Variants in IFNA21 observed in about 807,000 individuals in gnomAD.
IFNA21 encodes the protein interferon alpha 21, also known as interferon alpha-21.
For missense variants in IFNA21, 272 were observed against 212.7 expected, an observed-to-expected ratio of 1.28 and a Z score of -1.73; for synonymous variants, 101 against 82.9, an observed-to-expected ratio of 1.22 and a Z score of -1.19.
rs1327330635 is a variant in IFNA21 at position 21,166,452 on chromosome 9, T to A, written c.161A>T (p.Lys54Met). Residue 54 changes from lysine to methionine, a missense_variant, in exon 1 of 1, where the codon AAG becomes ATG. Coordinates refer to ENST00000380225, the MANE Select transcript of IFNA21 (RefSeq NM_002175.2). Reference sequence around the variant, plus strand: ...GGGGAATCCAAAGTCATGTCTGTCCTTCAGGCAGGAGAAAGGAGAGATTCT... The same window carrying A: ...GGGGAATCCAAAGTCATGTCTGTCCATCAGGCAGGAGAAAGGAGAGATTCT... ...MGRISPFSCL[K>M]DRHDFGFPQE... is the part of the protein sequence containing the mutation. 1.9e-6 allele frequency: 3 copies of A among 1,614,172 alleles called. No individual in the cohort carries two copies. The highest frequency in any genetic ancestry group is 2.2e-5 in the East Asian group (1 of 44,878).
Position 21,166,432 on chromosome 9 carries a change from A to T in IFNA21, c.181T>A (p.Phe61Ile), listed in dbSNP as rs777113283. The T allele has an allele frequency of 1.5e-5, 24 of 1,614,048 alleles. No individual in the cohort carries two copies. Among genetic ancestry groups the T allele is most frequent in the Non-Finnish European group, 1.8e-5 (21 of 1,179,942 alleles). Residue 61 changes from phenylalanine (F) to isoleucine (I), a missense_variant, in exon 1 of 1, where the codon TTC becomes ATC. Physicochemically the swap from Phe to Ile is conservative, Grantham distance 21. Coordinates refer to ENST00000380225, the MANE Select transcript of IFNA21 (RefSeq NM_002175.2). ...SCLKDRHDFGFPQEEFDGNQF... is the reference protein window; with the variant it reads ...SCLKDRHDFGIPQEEFDGNQF... ...TTGCCATCAAACTCCTCCTGGGGGA[A>T]TCCAAAGTCATGTCTGTCCTTCAGG... is the stretch of plus-strand genomic sequence containing the variant.
Position 21,166,624 on chromosome 9 carries a change from C to A in IFNA21, c.-12G>T, listed in dbSNP as rs373969604. ...AAGGACAGGGCCATTGGGATGTTGC[C>A]AATATTGCTAGGCTACTTGAGATGG... On this transcript the variant is annotated 5_prime_UTR_variant, in exon 1 of 1. Transcript: ENST00000380225. 1.1e-4 allele frequency: 181 copies of A among 1,608,282 alleles called. No homozygotes were observed. The highest frequency in any genetic ancestry group is 2.2e-4 in the Admixed American group (13 of 59,352).
chr9:21,166,246 C>G lies in IFNA21; in HGVS notation c.367G>C (p.Val123Leu), dbSNP rs573305591. Residue 123 changes from valine (V) to leucine (L), a missense_variant, in exon 1 of 1, where the codon GTG becomes CTG. Physicochemically the swap from Val to Leu is conservative, Grantham distance 32. Coordinates refer to ENST00000380225, the MANE Select transcript of IFNA21 (RefSeq NM_002175.2). ...TCTTCCACCCCAACCTCCTGTATCA[C>G]GCAGGCTTCCAGGTCATTCAGCTGC... ...NQQLNDLEAC[V>L]IQEVGVEETP... 2 of 1,614,122 alleles carry G rather than the reference C, an allele frequency of 1.2e-6. No homozygotes were observed. Among genetic ancestry groups the G allele is most frequent in the East Asian group, 2.2e-5 (1 of 44,880 alleles).
In IFNA21 at chr9:21,166,482, A is replaced by G; in HGVS notation, c.131T>C (p.Met44Thr). Residue 44 changes from methionine to threonine, a missense_variant, in exon 1 of 1, where the codon ATG (methionine) becomes ACG (threonine). Physicochemically the swap from Met to Thr is moderately conservative, Grantham distance 81. Coordinates refer to ENST00000380225, the MANE Select transcript of IFNA21 (RefSeq NM_002175.2). ...GCAGGAGAAAGGAGAGATTCTTCCC[A>G]TTTGTGCCAGGAGTATCAAGGCCCT... ...NRRALILLAQMGRISPFSCLK... is the reference protein window; with the variant it reads ...NRRALILLAQTGRISPFSCLK... The G allele has an allele frequency of 6.2e-7, 1 of 1,614,100 alleles. No individual in the cohort carries two copies. Among genetic ancestry groups the G allele is most frequent in the African/African-American group, 1.3e-5 (1 of 75,018 alleles).
In IFNA21 at chr9:21,166,317, G is replaced by C; in HGVS notation, c.296C>G (p.Thr99Ser). 2.5e-6 allele frequency: 4 copies of C among 1,614,120 alleles called. No individual in the cohort carries two copies. Among genetic ancestry groups the C allele is most frequent in the Non-Finnish European group, 3.4e-6 (4 of 1,180,000 alleles). Residue 99 changes from threonine to serine, a missense_variant, in exon 1 of 1, where the codon ACT (threonine) becomes AGT (serine). Coordinates refer to ENST00000380225, the MANE Select transcript of IFNA21 (RefSeq NM_002175.2). ...NLFSTKDSSA[T>S]WEQSLLEKFS... ...TTTTTCTAGGAGGCTCTGTTCCCAA[G>C]TAGCAGATGAGTCCTTTGTGCTGAA...
At position 21,165,825 on chromosome 9, in the gene IFNA21, A is replaced by G. The variant is rs191869642; in HGVS notation, c.*218T>C. The G allele has an allele frequency of 4.3e-4, 161 of 377,580 alleles. 1 individual carries two copies. In the Middle Eastern group the frequency reaches 9.5e-3, roughly 22 times the overall value. 23.4% of individuals were successfully genotyped at this position (377,580 alleles called of 1,614,324 possible). ...ATCTAATAAATAAATAAATATTTCA[A>G]TAGATAGATAATTAGATCTATCAGC... On this transcript the variant is annotated 3_prime_UTR_variant, in exon 1 of 1. Transcript: ENST00000380225.
chr9:21,166,157 A>G lies in IFNA21; in HGVS notation c.456T>C (p.Leu152=). 1 of 1,614,188 alleles carries G rather than the reference A, an allele frequency of 6.2e-7. No individual in the cohort carries two copies. Among genetic ancestry groups the G allele is most frequent in the Non-Finnish European group, 8.5e-7 (1 of 1,180,020 alleles). The change falls in exon 1 of 1, where the codon CTT becomes CTC. Residue 152 remains leucine (L), a synonymous_variant. Coordinates refer to ENST00000380225, the MANE Select transcript of IFNA21 (RefSeq NM_002175.2). ...AVKKYFQRIT[L]YLTEKKYSPC... Reference sequence around the variant, plus strand: ...GGCTGTATTTCTTCTCTGTCAGATAAAGAGTGATTCTTTGGAAGTATTTCT... The same window carrying G: ...GGCTGTATTTCTTCTCTGTCAGATAGAGAGTGATTCTTTGGAAGTATTTCT...
At position 21,166,283 on chromosome 9, in the gene IFNA21, A is replaced by C. The variant is rs1174274650; in HGVS notation, c.330T>G (p.Thr110=). ...WEQSLLEKFS[T]ELNQQLNDLE... is the part of the protein sequence containing the mutation. ...GGTCATTCAGCTGCTGGTTAAGTTC[A>C]GTGGAAAATTTTTCTAGGAGGCTCT... The change falls in exon 1 of 1, where the codon ACT becomes ACG. Residue 110 remains threonine (T), a synonymous_variant. Transcript: ENST00000380225. 1 of 1,614,028 alleles carries C rather than the reference A, an allele frequency of 6.2e-7. No homozygotes were observed. The highest frequency in any genetic ancestry group is 1.3e-5 in the African/African-American group (1 of 74,914).
Position 21,166,175 on chromosome 9 carries a change from G to A in IFNA21, c.438C>T (p.Tyr146=). ...TCAGATAAAGAGTGATTCTTTGGAA[G>A]TATTTCTTCACAGCCAGGATGGAGT... is the stretch of plus-strand genomic sequence containing the variant. ...NVDSILAVKK[Y]FQRITLYLTE... The change falls in exon 1 of 1, where the codon TAC becomes TAT. Residue 146 remains tyrosine (Y), a synonymous_variant. Transcript: ENST00000380225. 1 of 1,614,186 alleles carries A rather than the reference G, an allele frequency of 6.2e-7. No individual in the cohort carries two copies. The highest frequency in any genetic ancestry group is 8.5e-7 in the Non-Finnish European group (1 of 1,180,022).
chr9:21,165,948 G>T lies in IFNA21; in HGVS notation c.*95C>A. 1 of 1,455,260 alleles carries T rather than the reference G, an allele frequency of 6.9e-7. No homozygotes were observed. The highest frequency in any genetic ancestry group is 9.3e-7 in the Non-Finnish European group (1 of 1,075,862). 90.1% of individuals were successfully genotyped at this position (1,455,260 alleles called of 1,614,324 possible). A position where few individuals can be genotyped will look rare whatever the true frequency, so the allele number is the denominator to read the frequency against. The stretch of plus-strand genomic sequence containing the variant: ...AAATTTTGATTCAACTCATGCGGTG[G>T]TTATAGGAGAAATGAGTCTTTGAAA... On this transcript the variant is annotated 3_prime_UTR_variant, in exon 1 of 1. Coordinates refer to ENST00000380225, the MANE Select transcript of IFNA21 (RefSeq NM_002175.2).
rs1240729604 is a variant in IFNA21, at chr9:21,166,235, C to G, written c.378G>C (p.Glu126Asp). 6.2e-7 allele frequency: 1 copy of G among 1,614,022 alleles called. No individual in the cohort carries two copies. The highest frequency in any genetic ancestry group is 1.3e-5 in the African/African-American group (1 of 74,922). Residue 126 changes from glutamate to aspartate, a missense_variant, in exon 1 of 1, where the codon GAG (glutamate) becomes GAC (aspartate). Transcript: ENST00000380225. ...LNDLEACVIQ[E>D]VGVEETPLMN... Reference sequence around the variant, plus strand: ...TCAGGGGAGTCTCTTCCACCCCAACCTCCTGTATCACGCAGGCTTCCAGGT... The same window carrying G: ...TCAGGGGAGTCTCTTCCACCCCAACGTCCTGTATCACGCAGGCTTCCAGGT...
chr9:21,165,828 G>C lies in IFNA21; in HGVS notation c.*215C>G, dbSNP rs1819655739. 1 of 388,732 alleles carries C rather than the reference G, an allele frequency of 2.6e-6. No individual in the cohort carries two copies. Among genetic ancestry groups the C allele is most frequent in the Non-Finnish European group, 4.5e-6 (1 of 220,608 alleles). 24.1% of individuals were successfully genotyped at this position (388,732 alleles called of 1,614,324 possible). A position where few individuals can be genotyped will look rare whatever the true frequency, so the allele number is the denominator to read the frequency against. On this transcript the variant is annotated 3_prime_UTR_variant, in exon 1 of 1. Transcript: ENST00000380225. ...TAATAAATAAATAAATATTTCAATA[G>C]ATAGATAATTAGATCTATCAGCATG...
Position 21,166,327 on chromosome 9 carries a change from A to T in IFNA21, c.286T>A (p.Ser96Thr). 2.5e-6 allele frequency: 4 copies of T among 1,614,152 alleles called. No individual in the cohort carries two copies. The highest frequency in any genetic ancestry group is 3.4e-6 in the Non-Finnish European group (4 of 1,180,006). Reference sequence around the variant, plus strand: ...AGGCTCTGTTCCCAAGTAGCAGATGAGTCCTTTGTGCTGAAGAGATTGAAG... The same window carrying T: ...AGGCTCTGTTCCCAAGTAGCAGATGTGTCCTTTGTGCTGAAGAGATTGAAG... ...QTFNLFSTKD[S>T]SATWEQSLLE... The change falls in exon 1 of 1, where the codon TCA becomes ACA. Residue 96 changes from serine to threonine, a missense_variant. By Grantham distance (58) the Ser-to-Thr change is moderately conservative. Transcript: ENST00000380225.
Position 21,166,008 on chromosome 9 carries a change from A to T in IFNA21, c.*35T>A, listed in dbSNP as rs1339099124. On this transcript the variant is annotated 3_prime_UTR_variant, in exon 1 of 1. Coordinates refer to ENST00000380225, the MANE Select transcript of IFNA21 (RefSeq NM_002175.2). ...TCATAGAAGTGTGGACTGGTGTATT[A>T]GTCAATACAGATCATTTCCATGTTG... 1 of 1,592,514 alleles carries T rather than the reference A, an allele frequency of 6.3e-7. No individual in the cohort carries two copies. The highest frequency in any genetic ancestry group is 1.3e-5 in the African/African-American group (1 of 74,178).
In IFNA21 at chr9:21,165,986, T is replaced by C. The variant is rs1819657758; in HGVS notation, c.*57A>G. The C allele has an allele frequency of 2.6e-6, 4 of 1,554,474 alleles. No homozygotes were observed. The highest frequency in any genetic ancestry group is 4.0e-5 in the Admixed American group (2 of 49,866). On this transcript the variant is annotated 3_prime_UTR_variant, in exon 1 of 1. Coordinates refer to ENST00000380225, the MANE Select transcript of IFNA21 (RefSeq NM_002175.2). ...TGAGTCTTTGAAATGGCAGAAGTCA[T>C]AGAAGTGTGGACTGGTGTATTAGTC...
Position 21,166,323 on chromosome 9 carries a change from G to T in IFNA21, c.290C>A (p.Ser97Tyr), listed in dbSNP as rs139318886. The change falls in exon 1 of 1, where the codon TCT becomes TAT. Residue 97 changes from serine (S) to tyrosine (Y), a missense_variant. By Grantham distance (144) the Ser-to-Tyr change is moderately radical (BLOSUM62 -2). Transcript: ENST00000380225. Reference protein sequence around the residue: ...TFNLFSTKDSSATWEQSLLEK... With the variant: ...TFNLFSTKDSYATWEQSLLEK... ...TAGGAGGCTCTGTTCCCAAGTAGCA[G>T]ATGAGTCCTTTGTGCTGAAGAGATT... is the stretch of plus-strand genomic sequence containing the variant. 1 of 1,614,154 alleles carries T rather than the reference G, an allele frequency of 6.2e-7. No homozygotes were observed. Among genetic ancestry groups the T allele is most frequent in the Non-Finnish European group, 8.5e-7 (1 of 1,180,022 alleles).
chr9:21,165,973 A>G lies in IFNA21; in HGVS notation c.*70T>C. The G allele has an allele frequency of 6.6e-7, 1 of 1,525,862 alleles. No homozygotes were observed. The highest frequency in any genetic ancestry group is 2.2e-5 in the Admixed American group (1 of 46,410). 94.5% of individuals were successfully genotyped at this position (1,525,862 alleles called of 1,614,324 possible). On this transcript the variant is annotated 3_prime_UTR_variant, in exon 1 of 1. Transcript: ENST00000380225. The stretch of plus-strand genomic sequence containing the variant: ...GTTATAGGAGAAATGAGTCTTTGAA[A>G]TGGCAGAAGTCATAGAAGTGTGGAC...
chr9:21,166,516 C>G lies in IFNA21; in HGVS notation c.97G>C (p.Gly33Arg), dbSNP rs547399618. 7 of 1,613,710 alleles carry G rather than the reference C, an allele frequency of 4.3e-6. No individual in the cohort carries two copies. The highest frequency in any genetic ancestry group is 2.7e-5 in the African/African-American group (2 of 74,744). ...GCDLPQTHSL[G>R]NRRALILLAQ... is the part of the protein sequence containing the mutation. ...AGGAGTATCAAGGCCCTCCTATTACCCAGGCTGTGGGTCTGAGGCAGATCA... is the reference window on the plus strand; with the variant it reads ...AGGAGTATCAAGGCCCTCCTATTACGCAGGCTGTGGGTCTGAGGCAGATCA... The change falls in exon 1 of 1, where the codon GGT becomes CGT. Residue 33 changes from glycine (G) to arginine (R), a missense_variant. Gly to Arg is a moderately radical substitution (Grantham distance 125, BLOSUM62 -2). Coordinates refer to ENST00000380225, the MANE Select transcript of IFNA21 (RefSeq NM_002175.2).
At position 21,165,990 on chromosome 9, in the gene IFNA21, AGT is replaced by A; in HGVS notation, c.*51_*52del. 1 of 1,566,200 alleles carries A rather than the reference AGT, an allele frequency of 6.4e-7. No homozygotes were observed. The highest frequency in any genetic ancestry group is 1.2e-5 in the South Asian group (1 of 84,056). On this transcript the variant is annotated 3_prime_UTR_variant, in exon 1 of 1. Transcript: ENST00000380225. ...TCTTTGAAATGGCAGAAGTCATAGA[AGT>A]GTGGACTGGTGTATTAGTCAATACA...
Sources: gnomAD v4.1 joint callset for allele counts on GRCh38, gnomAD v4.1.1 for gene constraint, MANE v1.5 for transcripts, NCBI Gene and HGNC (gene_info 2026-07-23, HGNC 2026-07-21) for gene names.